Variants in ARHGEF37 observed in about 807,000 individuals in gnomAD.
ARHGEF37 encodes the protein Rho guanine nucleotide exchange factor 37.
Under a neutral mutation model 71.1 loss-of-function variants are expected in ARHGEF37, and 55 were observed. That is an observed-to-expected ratio of 0.77 (90% confidence interval 0.62 to 0.97). The LOEUF (loss-of-function observed/expected upper bound fraction) is 0.97, where lower values mean the gene tolerates loss of function less well. Ranked by LOEUF, ARHGEF37 falls within the 50% of genes least tolerant of loss-of-function variation. The pLI is 0.00. For missense variants in ARHGEF37, 765 were observed against 836.8 expected, an observed-to-expected ratio of 0.91 and a Z score of 1.06; for synonymous variants, 327 against 350.6, an observed-to-expected ratio of 0.93 and a Z score of 0.75.
At chr5:149,563,911 T>C (rs748309710) in intron 1 of ARHGEF37, among the ~76,000 whole-genome samples, 3 of 152,024 alleles carry the variant, frequency 2.0e-5, no homozygotes, top group Non-Finnish European at 2.9e-5. Context: ...TCTACACTGA[T>C]TGATTTTCCC....
intron 1 of ARHGEF37, among the ~76,000 whole-genome samples, chr5:149,574,878 A>C (rs1010968135): frequency 6.6e-6 from 1 of 152,076 alleles, no homozygotes; most frequent in Non-Finnish European, 1.5e-5. Flanking sequence ...CTGCACCTTA[A>C]TCTGAGTCTT....
chr5:149,627,109 G>A lies in ARHGEF37; in HGVS notation c.1498G>A (p.Ala500Thr). Residue 500 changes from alanine to threonine, a missense_variant, in exon 11 of 13, where the codon GCT becomes ACT. By Grantham distance (58) the Ala-to-Thr change is moderately conservative. This residue lies in a region of ARHGEF37 where 390 missense variants were observed against 407.4 expected (regional missense o/e 0.96). Coordinates refer to ENST00000333677, the MANE Select transcript of ARHGEF37 (RefSeq NM_001001669.3). The part of the protein sequence containing the change: ...LLPGSERQVQ[A>T]LLSRYGPGKL... ...TCCAGGGTCTGAACGCCAGGTGCAGGCTCTCCTGAGCAGGTATGGCCCTGG... is the reference window on the plus strand; with the variant it reads ...TCCAGGGTCTGAACGCCAGGTGCAGACTCTCCTGAGCAGGTATGGCCCTGG... 1 of 1,613,958 alleles carries A rather than the reference G, an allele frequency of 6.2e-7. No individual in the cohort carries two copies. Among genetic ancestry groups the A allele is most frequent in the South Asian group, 1.1e-5 (1 of 91,054 alleles).
rs150127138 is a variant in ARHGEF37, at chr5:149,608,750, A to G, written c.311-798A>G. ...TGAAACACTTGCCTCAGGTTACACAACTGGGGAAGGGTTGCTGGAGATCTG... is the reference window on the plus strand; with the variant it reads ...TGAAACACTTGCCTCAGGTTACACAGCTGGGGAAGGGTTGCTGGAGATCTG... On this transcript the variant is annotated intron_variant, in intron 3 of 12. Transcript: ENST00000333677. Among the ~76,000 whole-genome samples the G allele has an allele frequency of 5.0e-4, 76 of 152,314 alleles. No homozygotes were observed. The East Asian group carries it at 9.6e-3, about 19-fold the overall frequency.
rs761924769 is a variant in ARHGEF37 at position 149,618,139 on chromosome 5, T to G, written c.659-37T>G. On this transcript the variant is annotated intron_variant, in intron 5 of 12. Coordinates refer to ENST00000333677, the MANE Select transcript of ARHGEF37 (RefSeq NM_001001669.3). Reference sequence around the variant, plus strand: ...GTGACATCCACTTTCCTGAGTTGGCTTGATCACCGTGCTTCCCCTCTTCTC... The same window carrying G: ...GTGACATCCACTTTCCTGAGTTGGCGTGATCACCGTGCTTCCCCTCTTCTC... The G allele has an allele frequency of 1.9e-6, 3 of 1,612,082 alleles. No individual in the cohort carries two copies. The South Asian group carries it at 3.3e-5, about 18-fold the overall frequency.
chr5:149,551,834 C>T (rs377362152), upstream of ARHGEF37: 1 of 152,148 alleles, frequency 6.6e-6, no homozygotes, highest in African/African-American at 2.4e-5. Context: ...TTCTTCTGGC[C>T]GTTCCCCCGG....
chr5:149,595,987 T>C (rs547519375), intron 1 of ARHGEF37, among the ~76,000 whole-genome samples: 1 of 138,280 alleles, frequency 7.2e-6, no homozygotes, highest in South Asian at 2.6e-4. Context: ...ACAGAAGTCC[T>C]TGTGGCTGGG....
At chr5:149,554,835 T>C (rs1324817088) in intron 1 of ARHGEF37, among the ~76,000 whole-genome samples, 3 of 151,986 alleles carry the variant, frequency 2.0e-5, no homozygotes, top group Non-Finnish European at 4.4e-5. Context: ...TTTGGTGTAA[T>C]GAAAGGAGTC....
intron 7 of ARHGEF37, 54 bp from the exon 8 acceptor site, chr5:149,620,300 G>GT: frequency 1.5e-6 from 2 of 1,324,622 alleles, no homozygotes; most frequent in South Asian, 1.3e-5. Context: ...GGATTCCAGC[G>GT]TAAGATGGCC....
At chr5:149,557,940 A>G (rs531256724) in intron 1 of ARHGEF37, among the ~76,000 whole-genome samples, 21 of 145,350 alleles carry the variant, frequency 1.4e-4, no homozygotes, top group South Asian at 2.2e-4. Flanking sequence ...ATCTTGGCCC[A>G]CTGCAACCTC....
intron 1 of ARHGEF37, among the ~76,000 whole-genome samples, chr5:149,588,144 G>A (rs772050633): frequency 9.2e-5 from 14 of 151,996 alleles, no homozygotes; most frequent in South Asian, 2.1e-4. Flanking sequence ...TGATCTGCCC[G>A]CCTTGGCCTC....
chr5:149,614,506 A>G (rs1167396386), intron 4 of ARHGEF37, among the ~76,000 whole-genome samples: 1 of 152,138 alleles, frequency 6.6e-6, no homozygotes, highest in Admixed American at 6.5e-5. Context: ...TAATTCCTTC[A>G]TGATTGTAAG....
rs1752983327 is a variant in ARHGEF37, at chr5:149,634,744, G to A, written c.*2553G>A. 6.6e-6 allele frequency: 1 copy of A among 152,596 alleles called. No homozygotes were observed. Among genetic ancestry groups the A allele is most frequent in the South Asian group, 2.1e-4 (1 of 4,828 alleles). 9.5% of individuals were successfully genotyped at this position (152,596 alleles called of 1,614,324 possible). On this transcript the variant is annotated 3_prime_UTR_variant, in exon 13 of 13. Coordinates refer to ENST00000333677, the MANE Select transcript of ARHGEF37 (RefSeq NM_001001669.3). Reference sequence around the variant, plus strand: ...TTGCAAAGATATTTGCCTATGAACTGAACAAGACTTCCAGGAGTTGAAGTC... The same window carrying A: ...TTGCAAAGATATTTGCCTATGAACTAAACAAGACTTCCAGGAGTTGAAGTC...
rs775287566 is a variant in ARHGEF37, at chr5:149,624,076, C to T, written c.1400C>T (p.Thr467Met). The change falls in exon 10 of 13, where the codon ACG becomes ATG. Residue 467 changes from threonine to methionine, a missense_variant. Physicochemically the swap from Thr to Met is moderately conservative, Grantham distance 81 (BLOSUM62 -1). Coordinates refer to ENST00000333677, the MANE Select transcript of ARHGEF37 (RefSeq NM_001001669.3). ...RKLVEDALGRTSNQLRSFQET... is the reference protein window; with the variant it reads ...RKLVEDALGRMSNQLRSFQET... ...CTGGTGGAGGACGCACTGGGCCGGACGAGTAACCAGCTTCGCTCCTTTCAA... is the reference window on the plus strand; with the variant it reads ...CTGGTGGAGGACGCACTGGGCCGGATGAGTAACCAGCTTCGCTCCTTTCAA... 19 of 1,612,040 alleles carry T rather than the reference C, an allele frequency of 1.2e-5. No homozygotes were observed. The highest frequency in any genetic ancestry group is 1.7e-4 in the Middle Eastern group (1 of 6,056).
chr5:149,627,547 T>C (rs1752730513), intron 11 of ARHGEF37, among the ~76,000 whole-genome samples: 2 of 152,248 alleles, frequency 1.3e-5, no homozygotes. Flanking sequence ...ACAAGGCCCC[T>C]GCCTGGAGGG....
At chr5:149,618,743 A>C (rs1396455563) in intron 6 of ARHGEF37, among the ~76,000 whole-genome samples, 195 bp from the exon 7 acceptor site, 1 of 152,214 alleles carries the variant, frequency 6.6e-6, no homozygotes, top group African/African-American at 2.4e-5. Context: ...ACTGGGGCTC[A>C]TGCTTGTGTA....
At chr5:149,569,331 T>G (rs1762935531) in intron 1 of ARHGEF37, among the ~76,000 whole-genome samples, 1 of 152,048 alleles carries the variant, frequency 6.6e-6, no homozygotes, top group Non-Finnish European at 1.5e-5. Flanking sequence ...TTTATTTTTA[T>G]TTTTGAGATG....
At chr5:149,602,925 T>C in intron 3 of ARHGEF37, among the ~76,000 whole-genome samples, 1 of 151,876 alleles carries the variant, frequency 6.6e-6, no homozygotes, top group East Asian at 1.9e-4. Flanking sequence ...ACAACAAATA[T>C]GCAAAAAAAA....
chr5:149,565,725 T>C (rs1034236259), intron 1 of ARHGEF37, among the ~76,000 whole-genome samples: 2 of 151,972 alleles, frequency 1.3e-5, no homozygotes, highest in African/African-American at 4.8e-5. Flanking sequence ...AGCCTAGATC[T>C]AGACTATACT....
At position 149,618,390 on chromosome 5, in the gene ARHGEF37, C is replaced by T. The variant is rs1752440222; in HGVS notation, c.789+84C>T. 2.5e-6 allele frequency: 4 copies of T among 1,578,580 alleles called. No individual in the cohort carries two copies. The South Asian group carries it at 3.5e-5, about 14-fold the overall frequency. ...ACAGTGGGTAGACAGGGGACTTAGG[C>T]TCCTTTCAGAACTGAGGCAATGGAG... On this transcript the variant is annotated intron_variant, in intron 6 of 12. Transcript: ENST00000333677.
Sources: allele counts gnomAD v4.1 joint callset (sites outside exome capture counted in the v4.1 genomes callset), GRCh38; gene constraint gnomAD v4.1.1; regional missense constraint gnomAD v4.1.1; transcripts MANE v1.5; gene names NCBI Gene and HGNC (gene_info 2026-07-23, HGNC 2026-07-21).